CMTM6: variants seen among roughly 807,000 people sequenced by gnomAD.
The protein encoded by CMTM6 is CKLF like MARVEL transmembrane domain containing 6, also known as CKLF-like MARVEL transmembrane domain-containing protein 6.
A neutral mutation model predicts 13.6 loss-of-function variants in CMTM6; 5 were observed. The ratio of observed to expected loss-of-function variants is 0.37; its 90% CI spans 0.19 to 0.77. The LOEUF (loss-of-function observed/expected upper bound fraction) is 0.77. CMTM6 is among the 30% of genes least tolerant of loss of function. The pLI is 0.50. For missense variants in CMTM6, 196 were observed against 218.6 expected (o/e 0.90, Z 0.65); for synonymous variants, 99 against 84.5 (o/e 1.17, Z -0.94).
At chr3:32,487,413 T>A (rs905119961) in intron 3 of CMTM6, among the ~76,000 whole-genome samples, 1 of 152,122 alleles carries the variant, frequency 6.6e-6, no homozygotes, top group Non-Finnish European at 1.5e-5. Context: ...CAGGCTGGTC[T>A]TGAACTCCTG....
intron 1 of CMTM6, among the ~76,000 whole-genome samples, chr3:32,495,457 T>C (rs1697282535): frequency 6.6e-6 from 1 of 152,224 alleles, no homozygotes; most frequent in Non-Finnish European, 1.5e-5. Context: ...TATCTAACAT[T>C]TCACTTGCCT....
At chr3:32,485,541 A>T (rs1697196056) in intron 3 of CMTM6, among the ~76,000 whole-genome samples, 2 of 152,178 alleles carry the variant, frequency 1.3e-5, no homozygotes, top group East Asian at 1.9e-4. Context: ...AAAATGAGTT[A>T]AAAAACTCAT....
chr3:32,497,516 G>T (rs1472317294), intron 1 of CMTM6, among the ~76,000 whole-genome samples: 1 of 148,352 alleles, frequency 6.7e-6, no homozygotes, highest in Admixed American at 6.7e-5. Flanking sequence ...ATTTTTAGTT[G>T]ATTTTTTTTT....
intron 3 of CMTM6, among the ~76,000 whole-genome samples, chr3:32,485,985 T>C (rs976433403): frequency 2.6e-5 from 4 of 152,114 alleles, no homozygotes; most frequent in East Asian, 1.9e-4. Flanking sequence ...TCAAGCGATT[T>C]TCCTGCCTCA....
chr3:32,498,717 T>C (rs973514657), intron 1 of CMTM6, among the ~76,000 whole-genome samples: 3 of 151,140 alleles, frequency 2.0e-5, no homozygotes, highest in Non-Finnish European at 4.4e-5. Context: ...GTAGCTGGGA[T>C]TACAGGTGCA....
At chr3:32,501,365 T>C (rs1697343801) in intron 1 of CMTM6, among the ~76,000 whole-genome samples, 1 of 152,078 alleles carries the variant, frequency 6.6e-6, no homozygotes, top group African/African-American at 2.4e-5. Context: ...AGGAACAGCT[T>C]ATGCAAAGGA....
In CMTM6 at chr3:32,483,447, A is replaced by G. The variant is rs1697173459; in HGVS notation, c.*513T>C. On this transcript the variant is annotated 3_prime_UTR_variant, in exon 4 of 4. Transcript: ENST00000205636. ...AAAGCCTGGTAATATATGTTAAGGA[A>G]AAAAACCTAGACCAACATTTTAAAT... 1 of 152,292 alleles carries G rather than the reference A, an allele frequency of 6.6e-6. No homozygotes were observed. Among genetic ancestry groups the G allele is most frequent in the Non-Finnish European group, 1.5e-5 (1 of 68,044 alleles). 9.4% of individuals were successfully genotyped at this position (152,292 alleles called of 1,614,324 possible). A position where few individuals can be genotyped will look rare whatever the true frequency, so the allele number is the denominator to read the frequency against.
At chr3:32,489,607 G>A (rs190081806) in intron 2 of CMTM6, among the ~76,000 whole-genome samples, 45 of 151,278 alleles carry the variant, frequency 3.0e-4, no homozygotes, top group Middle Eastern at 3.4e-3. Flanking sequence ...AGCCGAGATC[G>A]TGCCATTGCA....
At chr3:32,491,544 C>A (rs1697249892) in intron 2 of CMTM6, among the ~76,000 whole-genome samples, 166 bp downstream of exon 2, 1 of 152,222 alleles carries the variant, frequency 6.6e-6, no homozygotes, top group African/African-American at 2.4e-5. Context: ...TCTCTACCAT[C>A]CCCTTGGTAG....
At chr3:32,495,305 C>T (rs747154850) in intron 1 of CMTM6, among the ~76,000 whole-genome samples, 1 of 152,114 alleles carries the variant, frequency 6.6e-6, no homozygotes, top group Non-Finnish European at 1.5e-5. Context: ...TAAGGCATTC[C>T]CAATCATTAC....
intron 1 of CMTM6, among the ~76,000 whole-genome samples, chr3:32,501,600 AAGT>A (rs1381745977): frequency 3.3e-5 from 5 of 152,212 alleles, no homozygotes; most frequent in Non-Finnish European, 5.9e-5. Flanking sequence ...TATTCAATAA[AAGT>A]AGGTCACTAG....
At chr3:32,486,479 G>C (rs2125655863) in intron 3 of CMTM6, among the ~76,000 whole-genome samples, 1 of 152,238 alleles carries the variant, frequency 6.6e-6, no homozygotes, top group East Asian at 1.9e-4. Context: ...ACCAATGTTA[G>C]ATTACAGGGT....
At chr3:32,490,872 C>T (rs1697245363) in intron 2 of CMTM6, among the ~76,000 whole-genome samples, 1 of 151,700 alleles carries the variant, frequency 6.6e-6, no homozygotes, top group South Asian at 2.1e-4. Context: ...TTTTTTTTTA[C>T]ACATTCAAAC....
At chr3:32,489,901 A>C (rs1697236529) in intron 2 of CMTM6, among the ~76,000 whole-genome samples, 2 of 152,176 alleles carry the variant, frequency 1.3e-5, no homozygotes, top group Admixed American at 1.3e-4. Flanking sequence ...ACCACTAATA[A>C]ATGTAAACGT....
In CMTM6 at chr3:32,483,741, A is replaced by T. The variant is rs1180709682; in HGVS notation, c.*219T>A. On this transcript the variant is annotated 3_prime_UTR_variant, in exon 4 of 4. Coordinates refer to ENST00000205636, the MANE Select transcript of CMTM6 (RefSeq NM_017801.3). ...CCTCCCACCAAAATCTCCATTTGAG[A>T]TAAGTTTCAATTATTATTTAAAAAA... 9.1e-6 allele frequency: 3 copies of T among 330,564 alleles called. No individual in the cohort carries two copies. The highest frequency in any genetic ancestry group is 1.1e-5 in the Non-Finnish European group (2 of 184,998). The allele number at this position is 330,564 out of a possible 1,614,324, so 20.5% of individuals were successfully genotyped here. A position where few individuals can be genotyped will look rare whatever the true frequency, so the allele number is the denominator to read the frequency against.
chr3:32,496,576 A>AC (rs1210658326), intron 1 of CMTM6, among the ~76,000 whole-genome samples: 5 of 152,256 alleles, frequency 3.3e-5, no homozygotes, highest in African/African-American at 1.2e-4. Context: ...TGATGGAGTA[A>AC]TAAGCTCAAT....
intron 1 of CMTM6, among the ~76,000 whole-genome samples, chr3:32,493,107 A>C (rs1443208493): frequency 6.6e-6 from 1 of 152,250 alleles, no homozygotes; most frequent in African/African-American, 2.4e-5. Context: ...AATTCATTTT[A>C]ACACTCAGTT....
intron 1 of CMTM6, among the ~76,000 whole-genome samples, chr3:32,494,972 T>TAC (rs1221899758): frequency 6.6e-6 from 1 of 151,882 alleles, no homozygotes; most frequent in East Asian, 1.9e-4. Context: ...TACATAGAAT[T>TAC]ACACACACAT....
At chr3:32,493,536 A>T (rs12488997) in intron 1 of CMTM6, among the ~76,000 whole-genome samples, 3,696 of 152,254 alleles carry the variant, frequency 0.024, 59 homozygotes, top group South Asian at 0.043. Context: ...AATGAATATA[A>T]GGTCTGGAGC....
Sources: allele counts gnomAD v4.1 joint callset (sites outside exome capture counted in the v4.1 genomes callset), GRCh38; gene constraint gnomAD v4.1.1; transcripts MANE v1.5; gene names NCBI Gene and HGNC (gene_info 2026-07-23, HGNC 2026-07-21).